Variants in DGKG observed in about 807,000 individuals in gnomAD.
The protein encoded by DGKG is diacylglycerol kinase gamma, also known as DAG kinase gamma.
DGKG carries 78 observed loss-of-function variants against 105.3 expected under a neutral mutation model. That is an observed-to-expected ratio of 0.74 (90% CI 0.62 to 0.89). The LOEUF (loss-of-function observed/expected upper bound fraction) is 0.89, where lower values mean the gene tolerates loss of function less well. DGKG is among the 40% of genes least tolerant of loss of function. The pLI, the probability that DGKG is intolerant of heterozygous loss-of-function variation, is 0.00. For missense variants in DGKG, 958 were observed against 1,020.1 expected, an observed-to-expected ratio of 0.94 and a Z score of 0.83; for synonymous variants, 346 against 367.1, an observed-to-expected ratio of 0.94 and a Z score of 0.66.
intron 22 of DGKG, among the ~76,000 whole-genome samples, chr3:186,178,469 C>T (rs1717199406): frequency 6.6e-6 from 1 of 152,176 alleles, no homozygotes; most frequent in South Asian, 2.1e-4. Flanking sequence ...GAATTTTCTT[C>T]TGTATGTGAA....
chr3:186,200,476 G>A (rs1486316670), intron 21 of DGKG, among the ~76,000 whole-genome samples: 1 of 152,204 alleles, frequency 6.6e-6, no homozygotes, highest in East Asian at 1.9e-4. Flanking sequence ...AAAGTAGTGA[G>A]CTTCCTATCT....
At chr3:186,342,655 C>T (rs1726141241) in intron 1 of DGKG, among the ~76,000 whole-genome samples, 1 of 151,784 alleles carries the variant, frequency 6.6e-6, no homozygotes, top group South Asian at 2.1e-4. Flanking sequence ...GCAGAAGAGA[C>T]ATATTAGGAG....
intron 20 of DGKG, among the ~76,000 whole-genome samples, chr3:186,232,094 G>T (rs1474206543): frequency 2.0e-5 from 3 of 152,198 alleles, no homozygotes; most frequent in Admixed American, 2.0e-4. Context: ...TACCCTGCAC[G>T]ATAGTAGAGC....
intron 4 of DGKG, 101 bp downstream of exon 4, chr3:186,297,963 A>C: frequency 7.3e-7 from 1 of 1,367,390 alleles, no homozygotes; most frequent in South Asian, 1.4e-5. Flanking sequence ...CCGTTGGGGC[A>C]GTTACTATGT....
chr3:186,356,173 A>C lies in DGKG; in HGVS notation c.-249+5773T>G, dbSNP rs186926289. Among the ~76,000 whole-genome samples, 51 of 152,340 alleles carry C rather than the reference A, an allele frequency of 3.3e-4. No homozygotes were observed. In the East Asian group the frequency reaches 9.2e-3, roughly 28 times the overall value. On this transcript the variant is annotated intron_variant, in intron 1 of 24. Transcript: ENST00000265022. Reference sequence around the variant, plus strand: ...CTGTTTAATTATTGAATTAATATCTATGTTTAGGGAACATACAGTGGAATG... The same window carrying C: ...CTGTTTAATTATTGAATTAATATCTCTGTTTAGGGAACATACAGTGGAATG...
chr3:186,278,550 A>G (rs1182499378), intron 9 of DGKG, among the ~76,000 whole-genome samples: 1 of 152,176 alleles, frequency 6.6e-6, no homozygotes, highest in Non-Finnish European at 1.5e-5. Context: ...CAGGGACCAC[A>G]AAGATCTTTT....
At chr3:186,319,371 A>G (rs1300920124) in intron 2 of DGKG, among the ~76,000 whole-genome samples, 1 of 152,192 alleles carries the variant, frequency 6.6e-6, no homozygotes, top group Non-Finnish European at 1.5e-5. Flanking sequence ...ATAGAGAGCA[A>G]GAGGCAGAGC....
At chr3:186,235,981 C>T (rs565548446) in intron 20 of DGKG, among the ~76,000 whole-genome samples, 29 of 152,338 alleles carry the variant, frequency 1.9e-4, no homozygotes, top group African/African-American at 5.3e-4. Context: ...GAGGCCATTT[C>T]ACCTGGGGTC....
intron 3 of DGKG, among the ~76,000 whole-genome samples, chr3:186,300,862 C>T (rs1454202192): frequency 6.6e-6 from 1 of 152,206 alleles, no homozygotes; most frequent in Non-Finnish European, 1.5e-5. Context: ...GGTCTCAGAC[C>T]AAGCGCATTT....
At chr3:186,236,029 G>T (rs1227702920) in intron 20 of DGKG, among the ~76,000 whole-genome samples, 5 of 152,308 alleles carry the variant, frequency 3.3e-5, no homozygotes, top group African/African-American at 7.2e-5. Context: ...CCTGGATTTG[G>T]CACTGGACTT....
At chr3:186,320,312 A>G (rs1360106811) in intron 2 of DGKG, 81 bp downstream of exon 2, 1 of 1,552,946 alleles carries the variant, frequency 6.4e-7, no homozygotes, top group Non-Finnish European at 8.9e-7. Context: ...CTTTGCAATG[A>G]TCATACTGCT....
intron 22 of DGKG, among the ~76,000 whole-genome samples, chr3:186,180,297 G>A (rs754814418): frequency 3.3e-5 from 5 of 152,136 alleles, no homozygotes; most frequent in Non-Finnish European, 7.4e-5. Flanking sequence ...TGATTTCAAC[G>A]TGGGCTGCTT....
rs761199886 is a variant in DGKG, at chr3:186,298,067, C to T, written c.307G>A (p.Ala103Thr). The change falls in exon 4 of 25, where the codon GCA becomes ACA. Residue 103 changes from alanine (A) to threonine (T), a missense_variant. Ala to Thr is a moderately conservative substitution (Grantham distance 58). This residue lies in a region of DGKG where 643 missense variants were observed against 619.5 expected (regional missense o/e 1.04). Transcript: ENST00000265022. ...EGASNSEANS[A>T]DTNIQNADNA... ...TCTTGGGGAAAGCTCTGTGTACCTG[C>T]GCTGTTGGCCTCACTGTTGCTGGCT... 29 of 1,607,002 alleles carry T rather than the reference C, an allele frequency of 1.8e-5. No homozygotes were observed. The highest frequency in any genetic ancestry group is 4.5e-5 in the South Asian group (4 of 89,482).
chr3:186,245,828 T>C lies in DGKG; in HGVS notation c.1762-3260A>G, dbSNP rs555967757. On this transcript the variant is annotated intron_variant, in intron 19 of 24. Transcript: ENST00000265022. ...GAGTATCTAGGCCAGTGCTATCCAA[T>C]AGAAATACAGAGTAAGCTACACATG... Among the ~76,000 whole-genome samples the C allele has an allele frequency of 2.6e-5, 4 of 151,754 alleles. No homozygotes were observed. The South Asian group carries it at 6.2e-4, about 24-fold the overall frequency.
intron 24 of DGKG, among the ~76,000 whole-genome samples, chr3:186,156,256 G>C (rs1041489174): frequency 6.6e-6 from 1 of 152,050 alleles, no homozygotes; most frequent in African/African-American, 2.4e-5. Context: ...ATTGAACTGG[G>C]GGGCTTTTTT....
chr3:186,299,821 CTTTCTTTCTTTCTTTCTTTTT>C (rs771910857), intron 3 of DGKG, among the ~76,000 whole-genome samples: 6 of 99,408 alleles, frequency 6.0e-5, no homozygotes, highest in Non-Finnish European at 1.3e-4. Flanking sequence ...TTCTTTCTTT[CTTTCTTTCTTTCTTTCTTTTT>C]TTTTTTTTTT....
rs984003677 is a variant in DGKG, at chr3:186,295,970, G to A, written c.373+1451C>T. ...AAAAAAGTACAAAAATTAGCCAGGC[G>A]TGGCAGCACACTCTTGTAATCCCAG... On this transcript the variant is annotated intron_variant, in intron 5 of 24. Coordinates refer to ENST00000265022, the MANE Select transcript of DGKG (RefSeq NM_001346.3). Among the ~76,000 whole-genome samples the A allele has an allele frequency of 2.6e-5, 4 of 152,228 alleles. No individual in the cohort carries two copies. The South Asian group carries it at 6.2e-4, about 24-fold the overall frequency.
At chr3:186,196,615 T>C (rs1718196360) in intron 21 of DGKG, among the ~76,000 whole-genome samples, 1 of 152,206 alleles carries the variant, frequency 6.6e-6, no homozygotes, top group African/African-American at 2.4e-5. Flanking sequence ...AGACCTGTGA[T>C]TGTTTGGACC....
chr3:186,232,677 AACACTGTCTGATGT>A (rs1293198809), intron 20 of DGKG, among the ~76,000 whole-genome samples: 1 of 152,234 alleles, frequency 6.6e-6, no homozygotes, highest in Admixed American at 6.5e-5. Flanking sequence ...GCTATATAAT[AACACTGTCTGATGT>A]ATTATTTAAT....
Sources: allele counts gnomAD v4.1 joint callset (sites outside exome capture counted in the v4.1 genomes callset), GRCh38; gene constraint gnomAD v4.1.1; regional missense constraint gnomAD v4.1.1; transcripts MANE v1.5; gene names NCBI Gene and HGNC (gene_info 2026-07-23, HGNC 2026-07-21).